The following CRTC3 variants were observed in gnomAD, a reference collection of about 807,000 sequenced individuals.
The protein encoded by CRTC3 is CREB-regulated transcription coactivator 3.
Under a neutral mutation model 74.5 loss-of-function variants are expected in CRTC3, and 26 were observed. The ratio of observed to expected loss-of-function variants is 0.35; its 90% CI spans 0.26 to 0.48. CRTC3 has a LOEUF of 0.48. Among genes scored for constraint, CRTC3 ranks in the 20% least tolerant of loss-of-function variants. The probability of loss-of-function intolerance (pLI) is 0.99; values close to 1 mark genes in which losing one functional copy is unlikely to be tolerated. For synonymous variants in CRTC3, 377 were observed against 325.8 expected, an observed-to-expected ratio of 1.16 and a Z score of -1.69; for missense variants, 760 against 787.3, an observed-to-expected ratio of 0.97 and a Z score of 0.41.
In CRTC3 at chr15:90,562,994, C is replaced by G. The variant is rs992570746; in HGVS notation, c.231+22857C>G. On this transcript the variant is annotated intron_variant, in intron 2 of 14. Coordinates refer to ENST00000268184, the MANE Select transcript of CRTC3 (RefSeq NM_022769.5). Reference sequence around the variant, plus strand: ...CTTGTCTCTCTCAGTATCTCTTACTCTGCCATCTTGTCATTCATGAAATTG... The same window carrying G: ...CTTGTCTCTCTCAGTATCTCTTACTGTGCCATCTTGTCATTCATGAAATTG... Among the ~76,000 whole-genome samples the G allele has an allele frequency of 2.0e-5, 3 of 152,238 alleles. No individual in the cohort carries two copies. In the East Asian group the frequency reaches 5.8e-4, roughly 29 times the overall value.
intron 2 of CRTC3, among the ~76,000 whole-genome samples, chr15:90,566,259 A>G (rs1042865508): frequency 6.6e-6 from 1 of 152,164 alleles, no homozygotes; most frequent in African/African-American, 2.4e-5. Flanking sequence ...TAAGGAAAGA[A>G]GCCATCTCAC....
intron 3 of CRTC3, chr15:90,595,452 G>C (rs1022344761): frequency 2.0e-5 from 3 of 151,692 alleles, no homozygotes; most frequent in East Asian, 1.9e-4. Context: ...GGCACCTATA[G>C]TCCCAGGCTG....
At chr15:90,562,636 C>A (rs757518959) in intron 2 of CRTC3, among the ~76,000 whole-genome samples, 1 of 152,172 alleles carries the variant, frequency 6.6e-6, no homozygotes, top group Non-Finnish European at 1.5e-5. Context: ...TTCACTCCCC[C>A]GGCCACCTGA....
Position 90,638,637 on chromosome 15 carries a change from C to T in CRTC3, c.1458C>T (p.Leu486=), listed in dbSNP as rs1389107044. 1.9e-6 allele frequency: 3 copies of T among 1,613,744 alleles called. No individual in the cohort carries two copies. Among genetic ancestry groups the T allele is most frequent in the Admixed American group, 1.7e-5 (1 of 60,020 alleles). Residue 486 remains leucine (L), a synonymous_variant, in exon 12 of 15, where the codon CTC becomes CTT. Coordinates refer to ENST00000268184, the MANE Select transcript of CRTC3 (RefSeq NM_022769.5). ...TGCCACAGTCAGACTTTCAGCTTCT[C>T]CCGGCCCAGGTGAGTTCTGGCAGGA... ...SSLPQSDFQL[L]PAQGSSLTNF... is the part of the protein sequence containing the mutation.
At chr15:90,552,015 C>T (rs772275601) in intron 2 of CRTC3, among the ~76,000 whole-genome samples, 6 of 151,984 alleles carry the variant, frequency 3.9e-5, no homozygotes, top group Non-Finnish European at 8.8e-5. Flanking sequence ...TGTTGGGTGT[C>T]GTGGTCTCCT....
Position 90,530,113 on chromosome 15 carries a change from G to T in CRTC3, c.42G>T (p.Lys14Asn). 1 of 1,458,180 alleles carries T rather than the reference G, an allele frequency of 6.9e-7. No homozygotes were observed. Among genetic ancestry groups the T allele is most frequent in the African/African-American group, 1.5e-5 (1 of 67,516 alleles). The allele number at this position is 1,458,180 out of a possible 1,614,324, so 90.3% of individuals were successfully genotyped here. A position where few individuals can be genotyped will look rare whatever the true frequency, so the allele number is the denominator to read the frequency against. Reference sequence around the variant, plus strand: ...GCTCGGGCAGCGCCAACCCGCGGAAGTTCAGTGAGAAGATCGCGCTGCACA... The same window carrying T: ...GCTCGGGCAGCGCCAACCCGCGGAATTTCAGTGAGAAGATCGCGCTGCACA... Reference protein sequence around the residue: ...SPGSGSANPRKFSEKIALHTQ... With the variant: ...SPGSGSANPRNFSEKIALHTQ... The change falls in exon 1 of 15, where the codon AAG becomes AAT. Residue 14 changes from lysine (K) to asparagine (N), a missense_variant. Physicochemically the swap from Lys to Asn is moderately conservative, Grantham distance 94. This residue lies in a region of CRTC3 where 108 missense variants were observed against 152.1 expected (regional missense o/e 0.71). Transcript: ENST00000268184. This position sits in a 1 kb window ranked among gnomAD's most constrained non-coding sequence, Gnocchi z 6.2.
chr15:90,623,081 G>A (rs1968708260), intron 9 of CRTC3, among the ~76,000 whole-genome samples: 1 of 152,026 alleles, frequency 6.6e-6, no homozygotes, highest in Non-Finnish European at 1.5e-5. Flanking sequence ...ACCCTTCTCT[G>A]GTCCTAGGGA....
At chr15:90,559,474 C>G (rs535239032) in intron 2 of CRTC3, among the ~76,000 whole-genome samples, 1 of 152,294 alleles carries the variant, frequency 6.6e-6, no homozygotes, top group East Asian at 1.9e-4. Context: ...TGAATTAAAA[C>G]CTCTCTAAAC....
chr15:90,634,576 T>C, intron 11 of CRTC3: 1 of 401,128 alleles, frequency 2.5e-6, no homozygotes, highest in East Asian at 4.4e-5. Context: ...TGTGTGTGTC[T>C]GCTCTGGCCT....
intron 2 of CRTC3, among the ~76,000 whole-genome samples, chr15:90,591,624 C>G (rs1394127491): frequency 6.6e-6 from 1 of 152,174 alleles, no homozygotes; most frequent in African/African-American, 2.4e-5. Context: ...CAAGACCAGT[C>G]TGGCCAAAAT....
chr15:90,594,715 G>C (rs949635716), intron 3 of CRTC3: 1 of 152,164 alleles, frequency 6.6e-6, no homozygotes, highest in African/African-American at 2.4e-5. Context: ...TCACTGAGTC[G>C]TTAATTTTTT....
At chr15:90,634,776 G>C (rs772322198) in intron 11 of CRTC3, 23 of 1,196,560 alleles carry the variant, frequency 1.9e-5, no homozygotes, top group Non-Finnish European at 2.3e-5. Flanking sequence ...CTGAGTATTG[G>C]TTGGAAGGAG....
In CRTC3 at chr15:90,641,208, G is replaced by C. The variant is rs1969428833; in HGVS notation, c.1651+9G>C. 1 of 1,573,684 alleles carries C rather than the reference G, an allele frequency of 6.4e-7. No homozygotes were observed. Among genetic ancestry groups the C allele is most frequent in the Admixed American group, 1.7e-5 (1 of 59,846 alleles). On this transcript the variant is annotated intron_variant, in intron 14 of 14. Transcript: ENST00000268184. ...GAACACCATCCTGCCAGGTGAGCGA[G>C]CTATCCCTCAGCTTCTTTACTGCTT...
chr15:90,594,080 C>T (rs1374212220), intron 3 of CRTC3: 1 of 197,034 alleles, frequency 5.1e-6, no homozygotes, highest in Non-Finnish European at 1.0e-5. Context: ...GACTTTGAAT[C>T]AGGTTAGAGA....
intron 2 of CRTC3, among the ~76,000 whole-genome samples, chr15:90,580,965 G>A (rs770760747): frequency 1.3e-5 from 2 of 152,148 alleles, no homozygotes; most frequent in African/African-American, 2.4e-5. Flanking sequence ...TGAATTTTTA[G>A]CAACCTCTCA....
intron 11 of CRTC3, among the ~76,000 whole-genome samples, chr15:90,633,762 T>C (rs1053740422): frequency 1.3e-5 from 2 of 152,066 alleles, no homozygotes; most frequent in African/African-American, 4.8e-5. Context: ...TCTATTATCC[T>C]TATCTTCTCT....
At chr15:90,632,021 C>A (rs1969057179) in intron 11 of CRTC3, among the ~76,000 whole-genome samples, 1 of 151,890 alleles carries the variant, frequency 6.6e-6, no homozygotes, top group South Asian at 2.1e-4. Flanking sequence ...CCCACCTTAA[C>A]CTCCCAAGCA....
intron 11 of CRTC3, among the ~76,000 whole-genome samples, chr15:90,637,002 C>T (rs1240978428): frequency 6.6e-6 from 1 of 152,168 alleles, no homozygotes; most frequent in Non-Finnish European, 1.5e-5. Flanking sequence ...GTGGCGATTC[C>T]TTAGGGATCT....
At chr15:90,590,143 A>T (rs1400465191) in intron 2 of CRTC3, among the ~76,000 whole-genome samples, 3 of 151,826 alleles carry the variant, frequency 2.0e-5, no homozygotes, top group African/African-American at 4.8e-5. Flanking sequence ...ATACAAAAAA[A>T]TTAGCCGGGA....
Sources: gnomAD v4.1 joint callset for allele counts (sites outside exome capture counted in the v4.1 genomes callset) on GRCh38, gnomAD v4.1.1 for gene constraint, gnomAD v4.1.1 regional missense constraint, Gnocchi (gnomAD v3.1) non-coding constraint, MANE v1.5 for transcripts, NCBI Gene and HGNC (gene_info 2026-07-23, HGNC 2026-07-21) for gene names.